The following CALN1 variants were observed in gnomAD, a reference collection of about 807,000 sequenced individuals.
CALN1 encodes the protein calneuron 1, also known as calcium-binding protein 8.
In CALN1, 17 loss-of-function variants were observed where a neutral mutation model predicts 30.6. That is an observed-to-expected ratio of 0.56 (90% CI 0.38 to 0.83). The LOEUF (loss-of-function observed/expected upper bound fraction) is 0.83. Ranked by LOEUF, CALN1 falls within the 40% of genes least tolerant of loss-of-function variation. The pLI is 0.00. For missense variants in CALN1, 291 were observed against 354.9 expected (o/e 0.82, Z 1.45); for synonymous variants, 156 against 131.4 (o/e 1.19, Z -1.28).
At chr7:71,812,616 G>A (rs1034513393) in intron 5 of CALN1, among the ~76,000 whole-genome samples, 2 of 152,088 alleles carry the variant, frequency 1.3e-5, no homozygotes, top group African/African-American at 4.8e-5. Flanking sequence ...TGATTTGCAA[G>A]CCAAAAATAA....
intron 1 of CALN1, among the ~76,000 whole-genome samples, chr7:72,407,748 TTC>T (rs1806801774): frequency 6.6e-6 from 1 of 152,186 alleles, no homozygotes; most frequent in South Asian, 2.1e-4. Flanking sequence ...TCTCCATTTT[TTC>T]TTTTTGCACT....
At chr7:72,388,595 T>C (rs1380767006) in intron 2 of CALN1, among the ~76,000 whole-genome samples, 1 of 152,164 alleles carries the variant, frequency 6.6e-6, no homozygotes, top group Admixed American at 6.5e-5. Flanking sequence ...TTTGCAATGT[T>C]TCTGCAAATT....
At chr7:71,803,247 G>A (rs1264147436) in intron 6 of CALN1, among the ~76,000 whole-genome samples, 2 of 152,022 alleles carry the variant, frequency 1.3e-5, no homozygotes, top group Non-Finnish European at 2.9e-5. Flanking sequence ...CCAGAACCGC[G>A]GGTGGAATGT....
At chr7:71,858,865 T>G (rs897373515) in intron 5 of CALN1, among the ~76,000 whole-genome samples, 2 of 152,124 alleles carry the variant, frequency 1.3e-5, no homozygotes, top group Non-Finnish European at 2.9e-5. Context: ...CCGACCACTT[T>G]GGGCACATGT....
intron 3 of CALN1, among the ~76,000 whole-genome samples, chr7:72,258,653 C>T (rs1281131289): frequency 6.6e-6 from 1 of 152,158 alleles, no homozygotes; most frequent in Non-Finnish European, 1.5e-5. Flanking sequence ...GGGGTGGTGG[C>T]TCACGCCTGT....
chr7:71,912,286 G>C (rs940890526), intron 5 of CALN1, among the ~76,000 whole-genome samples: 2 of 151,968 alleles, frequency 1.3e-5, no homozygotes, highest in Non-Finnish European at 2.9e-5. Flanking sequence ...CAGAGCCCTT[G>C]TTCAGTTCCT....
intron 2 of CALN1, among the ~76,000 whole-genome samples, chr7:72,358,157 A>G (rs1233594718): frequency 6.6e-6 from 1 of 151,644 alleles, no homozygotes; most frequent in African/African-American, 2.4e-5. Context: ...ATGCCTAACT[A>G]ATTTTTTAAT....
intron 3 of CALN1, among the ~76,000 whole-genome samples, chr7:72,130,580 C>A (rs1292245004): frequency 1.3e-5 from 2 of 152,042 alleles, no homozygotes; most frequent in African/African-American, 4.8e-5. Flanking sequence ...ACCAACCTAA[C>A]GTGTAGAGTA....
intron 4 of CALN1, among the ~76,000 whole-genome samples, chr7:72,027,824 G>A (rs1370349052): frequency 1.3e-5 from 2 of 151,504 alleles, no homozygotes; most frequent in Non-Finnish European, 2.9e-5. Context: ...TTGGGAGGCC[G>A]AGGTGGGCGG....
In CALN1 at chr7:71,814,981, C is replaced by T. The variant is rs979435534; in HGVS notation, c.502-4489G>A. ...CCTGAGTGGCTGGGACTACAGGTGC[C>T]CGCCACCACGCCCAGCTGATTTTTT... On this transcript the variant is annotated intron_variant, in intron 5 of 6. Transcript: ENST00000395275. Among the ~76,000 whole-genome samples, 8 of 151,874 alleles carry T rather than the reference C, an allele frequency of 5.3e-5. No individual in the cohort carries two copies. The East Asian group carries it at 1.6e-3, about 29-fold the overall frequency.
chr7:72,110,473 A>G (rs1807487557), intron 3 of CALN1, among the ~76,000 whole-genome samples: 1 of 152,226 alleles, frequency 6.6e-6, no homozygotes, highest in Non-Finnish European at 1.5e-5. Context: ...AGCCCAGGAC[A>G]GCGCAGGCCA....
At chr7:72,183,575 C>G (rs1417994418) in intron 3 of CALN1, among the ~76,000 whole-genome samples, 2 of 152,194 alleles carry the variant, frequency 1.3e-5, no homozygotes, top group African/African-American at 4.8e-5. Flanking sequence ...TGAGTGTAAA[C>G]AGGAAGTCGC....
chr7:72,184,949 G>C (rs774442666), intron 3 of CALN1, among the ~76,000 whole-genome samples: 1 of 151,916 alleles, frequency 6.6e-6, no homozygotes, highest in Non-Finnish European at 1.5e-5. Flanking sequence ...ACATCAACAA[G>C]CCCGGCTAAT....
At chr7:72,026,024 G>T (rs1405150200) in intron 4 of CALN1, among the ~76,000 whole-genome samples, 1 of 152,114 alleles carries the variant, frequency 6.6e-6, no homozygotes, top group East Asian at 1.9e-4. Context: ...CTCTGGAGAA[G>T]AAATTGATTT....
chr7:72,290,191 T>C (rs960231226), intron 2 of CALN1, among the ~76,000 whole-genome samples: 1 of 147,842 alleles, frequency 6.8e-6, no homozygotes, highest in Non-Finnish European at 1.5e-5. Context: ...CACAAGCCAG[T>C]ATGAGCTTAT....
chr7:71,805,773 G>A (rs928241506), intron 6 of CALN1, among the ~76,000 whole-genome samples: 2 of 152,074 alleles, frequency 1.3e-5, no homozygotes, highest in Non-Finnish European at 1.5e-5. Context: ...ATTCCTTTGG[G>A]AATATACCTA....
chr7:72,283,290 C>A (rs1051532686), intron 2 of CALN1, among the ~76,000 whole-genome samples: 1 of 151,920 alleles, frequency 6.6e-6, no homozygotes, highest in Non-Finnish European at 1.5e-5. Context: ...TTTGGGAGGC[C>A]AAGGAGGGAG....
chr7:71,940,093 G>GA (rs1319983097), intron 5 of CALN1, among the ~76,000 whole-genome samples: 2 of 144,424 alleles, frequency 1.4e-5, no homozygotes, highest in East Asian at 5.1e-4. Flanking sequence ...ATCCCTTCAA[G>GA]GGTCTCAACT....
chr7:71,795,967 C>T (rs1348098194), intron 6 of CALN1, among the ~76,000 whole-genome samples: 6 of 151,220 alleles, frequency 4.0e-5, no homozygotes, highest in African/African-American at 7.3e-5. Context: ...TACAGGCACC[C>T]GCCACCACAC....
Sources: gnomAD v4.1 joint callset for allele counts (sites outside exome capture counted in the v4.1 genomes callset) on GRCh38, gnomAD v4.1.1 for gene constraint, MANE v1.5 for transcripts, NCBI Gene and HGNC (gene_info 2026-07-23, HGNC 2026-07-21) for gene names.